The following ELMO1 variants were observed in gnomAD, a reference collection of about 807,000 sequenced individuals.
ELMO1 encodes engulfment and cell motility 1, also known as engulfment and cell motility protein 1.
Under a neutral mutation model 98.9 loss-of-function variants are expected in ELMO1, and 26 were observed. The observed-to-expected ratio is 0.26, with a 90% CI of 0.19 to 0.36. The LOEUF (loss-of-function observed/expected upper bound fraction) is 0.36. ELMO1 is among the 10% of genes least tolerant of loss of function. ELMO1 has a pLI of 1.00. For synonymous variants in ELMO1, 346 were observed against 346.0 expected, an observed-to-expected ratio of 1.00 and a Z score of 0.00; for missense variants, 627 against 935.2, an observed-to-expected ratio of 0.67 and a Z score of 4.30.
chr7:37,292,210 G>A (rs76935126), intron 4 of ELMO1, among the ~76,000 whole-genome samples: 47,814 of 96,328 alleles, frequency 0.5, 13,878 homozygotes, highest in East Asian at 0.72. Context: ...TCGGCCTCCC[G>A]AGGTGCCGGG....
chr7:37,402,125 C>T (rs1347315245), intron 1 of ELMO1, among the ~76,000 whole-genome samples: 1 of 152,168 alleles, frequency 6.6e-6, no homozygotes, highest in Non-Finnish European at 1.5e-5. Context: ...GTCAATCTGT[C>T]TTTTGTTATA....
rs1312296637 is a variant in ELMO1, at chr7:37,154,308, A to G, written c.1087-21074T>C. Among the ~76,000 whole-genome samples the G allele has an allele frequency of 3.3e-5, 5 of 152,198 alleles. No homozygotes were observed. The East Asian group carries it at 9.6e-4, about 29-fold the overall frequency. ...AGCAAGGGAACAAAACTGCATGGAGAATGAGCTTGACGAGCTGACAGAAGT... is the reference window on the plus strand; with the variant it reads ...AGCAAGGGAACAAAACTGCATGGAGGATGAGCTTGACGAGCTGACAGAAGT... On this transcript the variant is annotated intron_variant, in intron 13 of 21. Coordinates refer to ENST00000310758, the MANE Select transcript of ELMO1 (RefSeq NM_014800.11).
At chr7:37,237,249 A>C (rs552953204) in intron 7 of ELMO1, among the ~76,000 whole-genome samples, 1 of 152,300 alleles carries the variant, frequency 6.6e-6, no homozygotes, top group African/African-American at 2.4e-5. Flanking sequence ...GTGCTTCCAA[A>C]TGTTTCCATG....
At position 36,870,331 on chromosome 7, in the gene ELMO1, T is replaced by C; in HGVS notation, c.1905+62A>G. On this transcript the variant is annotated intron_variant, in intron 20 of 21. Transcript: ENST00000310758. The surrounding 1 kb of genome is among the most constrained non-coding windows in gnomAD (Gnocchi z 4.4). ...ACACTGCTATAAAGGAGGGCTAGGC[T>C]GGCTGCAGTTGCCGACCGCACTGGG... The C allele has an allele frequency of 6.8e-7, 1 of 1,474,266 alleles. No homozygotes were observed. The highest frequency in any genetic ancestry group is 9.5e-7 in the Non-Finnish European group (1 of 1,055,252). The allele number at this position is 1,474,266 out of a possible 1,614,324, so 91.3% of individuals were successfully genotyped here.
In ELMO1 at chr7:36,877,992, C is replaced by G. The variant is rs1804108386; in HGVS notation, c.1822+18G>C. On this transcript the variant is annotated intron_variant, in intron 19 of 21. Transcript: ENST00000310758. The stretch of plus-strand genomic sequence containing the variant: ...CAACCGACCACCACTCAGGCCTCTG[C>G]CAAGGAGAGCTACTTACGTTTGTCC... 6.2e-7 allele frequency: 1 copy of G among 1,600,474 alleles called. No homozygotes were observed. The highest frequency in any genetic ancestry group is 1.3e-5 in the African/African-American group (1 of 74,658).
At chr7:37,294,438 G>A (rs537717853) in intron 4 of ELMO1, among the ~76,000 whole-genome samples, 2 of 152,122 alleles carry the variant, frequency 1.3e-5, no homozygotes, top group South Asian at 2.1e-4. Context: ...AACAAGCACT[G>A]GTCAGGGTGA....
At position 37,183,180 on chromosome 7, in the gene ELMO1, G is replaced by C. The variant is rs375356633; in HGVS notation, c.1086+28206C>G. On this transcript the variant is annotated intron_variant, in intron 13 of 21. Transcript: ENST00000310758. Reference sequence around the variant, plus strand: ...AAGGAAGAGAAGCTGCTGAAGAGGAGGACGATCTGGCACAGAAGGAGAAGG... The same window carrying C: ...AAGGAAGAGAAGCTGCTGAAGAGGACGACGATCTGGCACAGAAGGAGAAGG... 2.7e-5 allele frequency among the ~76,000 whole-genome samples: 4 copies of C among 150,910 alleles called. No homozygotes were observed. In the South Asian group the frequency reaches 8.3e-4, roughly 31 times the overall value.
intron 1 of ELMO1, among the ~76,000 whole-genome samples, chr7:37,368,557 T>C (rs1387774900): frequency 6.6e-6 from 1 of 152,134 alleles, no homozygotes; most frequent in East Asian, 1.9e-4. Flanking sequence ...AGGGACTCTC[T>C]TTGGAATTTC....
At chr7:37,369,320 C>T (rs1421541419) in intron 1 of ELMO1, among the ~76,000 whole-genome samples, 1 of 152,196 alleles carries the variant, frequency 6.6e-6, no homozygotes, top group African/African-American at 2.4e-5. Flanking sequence ...ATTATACCTA[C>T]TGGCTGAGCA....
At chr7:37,079,677 C>T (rs1039822909) in intron 15 of ELMO1, among the ~76,000 whole-genome samples, 2 of 152,244 alleles carry the variant, frequency 1.3e-5, no homozygotes, top group African/African-American at 4.8e-5. Context: ...CCTCATTTAA[C>T]CCCATCACCT....
intron 16 of ELMO1, chr7:36,919,301 G>A (rs1784952971): frequency 6.0e-6 from 3 of 501,578 alleles, no homozygotes; most frequent in Non-Finnish European, 1.3e-5. Flanking sequence ...AGCATCGTGT[G>A]AGTCTCAGCC....
In ELMO1 at chr7:37,429,046, T is replaced by C. The variant is rs540900951; in HGVS notation, c.-74+19629A>G. On this transcript the variant is annotated intron_variant, in intron 1 of 21. Transcript: ENST00000310758. ...TTGTTGTTGTTGTTGTTGTTGTTGT[T>C]GTTGTTGTTATTTTTTCCAACTGGG... Among the ~76,000 whole-genome samples, 298 of 152,162 alleles carry C rather than the reference T, an allele frequency of 2.0e-3. 1 individual carries two copies. The highest frequency in any genetic ancestry group is 6.9e-3 in the African/African-American group (288 of 41,518).
intron 15 of ELMO1, among the ~76,000 whole-genome samples, chr7:37,037,872 T>A (rs1171963827): frequency 1.3e-5 from 2 of 152,104 alleles, no homozygotes; most frequent in African/African-American, 4.8e-5. Flanking sequence ...ACCCTTAAAA[T>A]TTTAGTACTA....
intron 1 of ELMO1, among the ~76,000 whole-genome samples, chr7:37,415,423 G>C (rs1400329817): frequency 1.3e-5 from 2 of 152,174 alleles, no homozygotes; most frequent in South Asian, 2.1e-4. Context: ...TAGTTCCAGA[G>C]TCAGAGACTA....
intron 15 of ELMO1, among the ~76,000 whole-genome samples, chr7:37,066,299 C>T (rs146844572): frequency 6.6e-6 from 1 of 152,098 alleles, no homozygotes; most frequent in African/African-American, 2.4e-5. Flanking sequence ...TCCATTAATG[C>T]AAGCACTTAT....
intron 8 of ELMO1, among the ~76,000 whole-genome samples, chr7:37,232,133 T>C (rs1473629438): frequency 6.6e-6 from 1 of 152,174 alleles, no homozygotes; most frequent in African/African-American, 2.4e-5. Context: ...TTGCTGCAAC[T>C]TTTCTTTAAG....
chr7:37,008,884 T>A (rs955878970), intron 16 of ELMO1, among the ~76,000 whole-genome samples: 2 of 152,190 alleles, frequency 1.3e-5, no homozygotes, highest in African/African-American at 4.8e-5. Context: ...TCTACCTTAA[T>A]GAAAATACTC....
intron 2 of ELMO1, among the ~76,000 whole-genome samples, chr7:37,319,599 C>A (rs563360289): frequency 6.6e-6 from 1 of 152,170 alleles, no homozygotes; most frequent in African/African-American, 2.4e-5. Flanking sequence ...GCTTCCCTAG[C>A]GAATCAACCC....
chr7:37,408,862 C>T (rs563350631), intron 1 of ELMO1, among the ~76,000 whole-genome samples: 1 of 152,148 alleles, frequency 6.6e-6, no homozygotes, highest in Admixed American at 6.5e-5. Context: ...ATAGTTTATG[C>T]TATTGTGCTG....
Sources: gnomAD v4.1 joint callset for allele counts (sites outside exome capture counted in the v4.1 genomes callset) on GRCh38, gnomAD v4.1.1 for gene constraint, Gnocchi (gnomAD v3.1) non-coding constraint, MANE v1.5 for transcripts, NCBI Gene and HGNC (gene_info 2026-07-23, HGNC 2026-07-21) for gene names.